PRKG1: variants seen among roughly 807,000 people sequenced by gnomAD.
PRKG1 encodes the protein protein kinase cGMP-dependent 1.
PRKG1 carries 35 observed loss-of-function variants against 88.1 expected under a neutral mutation model. That is an observed-to-expected ratio of 0.40 (90% confidence interval 0.30 to 0.53). PRKG1 has a LOEUF of 0.53. Ranked by LOEUF, PRKG1 falls within the 20% of genes least tolerant of loss-of-function variation. PRKG1 has a pLI of 0.59. For missense variants in PRKG1, 540 were observed against 839.8 expected, an observed-to-expected ratio of 0.64 and a Z score of 4.41; for synonymous variants, 303 against 292.5, an observed-to-expected ratio of 1.04 and a Z score of -0.37.
chr10:51,240,301 C>T (rs185363665), intron 2 of PRKG1, among the ~76,000 whole-genome samples: 19 of 152,300 alleles, frequency 1.2e-4, no homozygotes, highest in Admixed American at 9.8e-4. Flanking sequence ...CTATTTTCCT[C>T]TCAGCATTTC....
intron 6 of PRKG1, 54 bp downstream of exon 6, chr10:52,054,615 A>T: frequency 6.9e-7 from 1 of 1,444,396 alleles, no homozygotes; most frequent in South Asian, 1.1e-5. Flanking sequence ...GGGGTTGGTT[A>T]GTAACTCCAG....
intron 4 of PRKG1, among the ~76,000 whole-genome samples, chr10:51,853,501 T>G (rs1840608197): frequency 6.6e-6 from 1 of 152,122 alleles, no homozygotes; most frequent in African/African-American, 2.4e-5. Context: ...AGGAGTATAT[T>G]TTATAACATT....
In PRKG1 at chr10:51,733,637, G is replaced by A. The variant is rs189748125; in HGVS notation, c.593-70948G>A. Among the ~76,000 whole-genome samples, 223 of 152,210 alleles carry A rather than the reference G, an allele frequency of 1.5e-3. 1 individual carries two copies. Among genetic ancestry groups the A allele is most frequent in the Non-Finnish European group, 2.5e-3 (167 of 67,992 alleles). On this transcript the variant is annotated intron_variant, in intron 3 of 17. Coordinates refer to ENST00000373980, the MANE Select transcript of PRKG1 (RefSeq NM_006258.4). Reference sequence around the variant, plus strand: ...TTTGTTGAGGATGATTTGATAAAAAGAATTCCAATAACAGGCTTAAGTGAA... The same window carrying A: ...TTTGTTGAGGATGATTTGATAAAAAAAATTCCAATAACAGGCTTAAGTGAA...
chr10:52,032,542 C>G (rs1422062428), intron 5 of PRKG1, among the ~76,000 whole-genome samples: 1 of 151,946 alleles, frequency 6.6e-6, no homozygotes, highest in Admixed American at 6.6e-5. Context: ...TTAAAATACA[C>G]CATTGGTATA....
chr10:51,194,951 G>T (rs1403070653), intron 2 of PRKG1, among the ~76,000 whole-genome samples: 3 of 152,116 alleles, frequency 2.0e-5, no homozygotes, highest in African/African-American at 7.2e-5. Context: ...AGTCTTCATG[G>T]CCTAATAACC....
chr10:51,614,628 T>G (rs1274271499), intron 3 of PRKG1, among the ~76,000 whole-genome samples: 1 of 152,054 alleles, frequency 6.6e-6, no homozygotes, highest in Non-Finnish European at 1.5e-5. Flanking sequence ...TCTTTTATTG[T>G]TTGTCATTGT....
At chr10:51,783,875 G>A (rs1423590523) in intron 3 of PRKG1, among the ~76,000 whole-genome samples, 7 of 152,184 alleles carry the variant, frequency 4.6e-5, no homozygotes, top group Non-Finnish European at 8.8e-5. Context: ...ATAGGAAAGT[G>A]TGTGATGTGA....
chr10:51,612,636 A>G (rs954972416), intron 3 of PRKG1, among the ~76,000 whole-genome samples: 3 of 151,886 alleles, frequency 2.0e-5, no homozygotes, highest in Admixed American at 6.6e-5. Context: ...TGCCTGATGC[A>G]CTGGCTACAA....
At chr10:51,455,951 C>T (rs1451522582) in intron 2 of PRKG1, among the ~76,000 whole-genome samples, 2 of 152,198 alleles carry the variant, frequency 1.3e-5, no homozygotes, top group Non-Finnish European at 2.9e-5. Context: ...TACAGCAGCA[C>T]CCAACTCCTG....
chr10:51,747,015 C>T (rs1312000576), intron 3 of PRKG1, among the ~76,000 whole-genome samples: 1 of 152,166 alleles, frequency 6.6e-6, no homozygotes, highest in Non-Finnish European at 1.5e-5. Context: ...TGATTCACAC[C>T]AATCACAGCC....
chr10:51,248,994 C>T (rs1052821002), intron 2 of PRKG1, among the ~76,000 whole-genome samples: 7 of 151,436 alleles, frequency 4.6e-5, no homozygotes, highest in Admixed American at 2.6e-4. Context: ...TAAGTACAAC[C>T]GAAGGTGAAA....
chr10:52,178,613 A>G (rs1342940867), intron 9 of PRKG1, among the ~76,000 whole-genome samples: 2 of 151,936 alleles, frequency 1.3e-5, no homozygotes, highest in African/African-American at 4.8e-5. Flanking sequence ...TGAAGTTTCC[A>G]GTTACTGGGA....
intron 2 of PRKG1, among the ~76,000 whole-genome samples, chr10:51,385,863 C>T (rs1450498446): frequency 6.6e-6 from 1 of 152,148 alleles, no homozygotes; most frequent in Non-Finnish European, 1.5e-5. Flanking sequence ...TTTCTTTTTC[C>T]TCTCTCACAT....
chr10:51,214,138 C>T (rs71508072), intron 2 of PRKG1, among the ~76,000 whole-genome samples: 1,995 of 152,090 alleles, frequency 0.013, 23 homozygotes, highest in Middle Eastern at 0.041. Context: ...CTTATGATTC[C>T]CCTAAAAGCC....
chr10:52,187,234 T>TGATGATGAG (rs1839223310), intron 9 of PRKG1, among the ~76,000 whole-genome samples: 2 of 152,138 alleles, frequency 1.3e-5, no homozygotes, highest in African/African-American at 4.8e-5. Context: ...ATACTTCATC[T>TGATGATGAG]CAGTTTGCTT....
intron 2 of PRKG1, among the ~76,000 whole-genome samples, chr10:51,168,634 A>G (rs1386955105): frequency 6.6e-6 from 1 of 152,186 alleles, no homozygotes; most frequent in African/African-American, 2.4e-5. Context: ...GAGGGCATAT[A>G]TGACCATGTG....
chr10:51,760,349 G>A (rs1837985582), intron 3 of PRKG1, among the ~76,000 whole-genome samples: 1 of 152,088 alleles, frequency 6.6e-6, no homozygotes, highest in African/African-American at 2.4e-5. Context: ...TTTAGAAAAG[G>A]GACTATCACT....
At chr10:52,248,338 T>G (rs1011591086) in intron 9 of PRKG1, among the ~76,000 whole-genome samples, 8 of 152,188 alleles carry the variant, frequency 5.3e-5, no homozygotes, top group Non-Finnish European at 1.0e-4. Flanking sequence ...TATAAAATAT[T>G]AAGCAAACTA....
chr10:51,172,481 T>C (rs950077142), intron 2 of PRKG1, among the ~76,000 whole-genome samples: 1 of 152,066 alleles, frequency 6.6e-6, no homozygotes, highest in Non-Finnish European at 1.5e-5. Context: ...TTTGGAAAGC[T>C]TGGATTTGTG....
Sources: gnomAD v4.1 joint callset for allele counts (sites outside exome capture counted in the v4.1 genomes callset) on GRCh38, gnomAD v4.1.1 for gene constraint, MANE v1.5 for transcripts, NCBI Gene and HGNC (gene_info 2026-07-23, HGNC 2026-07-21) for gene names.